The following TRPM8 variants were observed in gnomAD, a reference collection of about 807,000 sequenced individuals.
TRPM8 encodes the protein TRPM8 cationic channel.
A neutral mutation model predicts 133.7 loss-of-function variants in TRPM8; 110 were observed. The observed-to-expected ratio is 0.82, with a 90% CI of 0.70 to 0.96. The LOEUF (loss-of-function observed/expected upper bound fraction) is 0.96. Among genes scored for constraint, TRPM8 ranks in the 40% least tolerant of loss-of-function variants. TRPM8 has a pLI of 0.00. For missense variants in TRPM8, 1,291 were observed against 1,379.5 expected (o/e 0.94, Z 1.02); for synonymous variants, 535 against 532.3 (o/e 1.01, Z -0.07).
intron 17 of TRPM8, among the ~76,000 whole-genome samples, chr2:233,974,033 C>T (rs1691801672): frequency 6.6e-6 from 1 of 152,166 alleles, no homozygotes; most frequent in Non-Finnish European, 1.5e-5. Flanking sequence ...GACAGCATTC[C>T]CAGCTTAGCT....
chr2:233,953,510 G>A (rs1310892078), intron 9 of TRPM8, among the ~76,000 whole-genome samples: 2 of 152,166 alleles, frequency 1.3e-5, no homozygotes, highest in African/African-American at 4.8e-5. Context: ...TTTCTTGTTT[G>A]CATTTGAGCT....
At chr2:233,953,739 A>G in intron 9 of TRPM8, 178 bp from the exon 10 acceptor site, 1 of 532,446 alleles carries the variant, frequency 1.9e-6, no homozygotes, top group South Asian at 2.3e-5. Context: ...TGATACGTGT[A>G]TAACCAATAC....
At chr2:233,975,881 C>CAAGCA (rs1553663809) in intron 17 of TRPM8, among the ~76,000 whole-genome samples, 1 of 150,578 alleles carries the variant, frequency 6.6e-6, no homozygotes, top group Non-Finnish European at 1.5e-5. Context: ...GACTCCACCT[C>CAAGCA]AAACAAAACA....
At chr2:233,939,488 G>C (rs1574703752) in intron 5 of TRPM8, among the ~76,000 whole-genome samples, 1 of 152,258 alleles carries the variant, frequency 6.6e-6, no homozygotes, top group South Asian at 2.1e-4. Context: ...CGGTTCAGGG[G>C]AATTGGAAAG....
At chr2:234,013,593 T>C (rs1317922141) in intron 24 of TRPM8, 4 of 152,134 alleles carry the variant, frequency 2.6e-5, no homozygotes, top group Admixed American at 6.5e-5. Flanking sequence ...TGATTTTTTT[T>C]CCCATTGTTT....
intron 15 of TRPM8, among the ~76,000 whole-genome samples, chr2:233,967,847 T>C (rs1691614300): frequency 6.6e-6 from 1 of 151,980 alleles, no homozygotes; most frequent in South Asian, 2.1e-4. Flanking sequence ...ACACTCTACT[T>C]ATGTCTTCCT....
intron 15 of TRPM8, among the ~76,000 whole-genome samples, chr2:233,969,323 CA>C (rs112907432): frequency 0.1 from 13,524 of 134,766 alleles, 1,506 homozygotes; most frequent in East Asian, 0.4. Context: ...ACCAAAAATA[CA>C]AAAAAAAAAA....
At chr2:233,998,547 A>G (rs553803711) in intron 22 of TRPM8, among the ~76,000 whole-genome samples, 43 of 151,134 alleles carry the variant, frequency 2.8e-4, no homozygotes, top group Non-Finnish European at 5.2e-4. Flanking sequence ...AGCAGATTGT[A>G]CCCAGCTAGT....
Position 233,969,214 on chromosome 2 carries a change from C to T in TRPM8, c.2026-481C>T, listed in dbSNP as rs532673492. The stretch of plus-strand genomic sequence containing the variant: ...CCAAGTTTGGCCAGGCATGGTGGCT[C>T]ACACCTGTAATCCCAGCACTTTGGG... On this transcript the variant is annotated intron_variant, in intron 15 of 25. Coordinates refer to ENST00000324695, the MANE Select transcript of TRPM8 (RefSeq NM_024080.5). Among the ~76,000 whole-genome samples the T allele has an allele frequency of 4.6e-5, 7 of 152,164 alleles. No individual in the cohort carries two copies. The South Asian group carries it at 1.0e-3, about 23-fold the overall frequency.
At chr2:233,975,595 C>T (rs1691849973) in intron 17 of TRPM8, among the ~76,000 whole-genome samples, 1 of 152,124 alleles carries the variant, frequency 6.6e-6, no homozygotes, top group African/African-American at 2.4e-5. Flanking sequence ...CTAAAGAAAC[C>T]AGAGGCTGGG....
intron 17 of TRPM8, among the ~76,000 whole-genome samples, chr2:233,977,281 C>T (rs1574751492): frequency 6.6e-6 from 1 of 152,208 alleles, no homozygotes; most frequent in Non-Finnish European, 1.5e-5. Flanking sequence ...CACGTTGAAT[C>T]TCCAAATCCT....
intron 25 of TRPM8, 93 bp from the exon 26 acceptor site, chr2:234,017,206 A>G (rs1692976925): frequency 2.3e-6 from 1 of 430,918 alleles, no homozygotes; most frequent in Non-Finnish European, 4.7e-6. Flanking sequence ...TTCCCAGTAT[A>G]TTCCCAGTAT....
At chr2:233,962,789 C>T (rs1691471903) in intron 12 of TRPM8, among the ~76,000 whole-genome samples, 1 of 152,138 alleles carries the variant, frequency 6.6e-6, no homozygotes, top group African/African-American at 2.4e-5. Context: ...TGAAAAGTTT[C>T]CCTTGAAAGG....
At chr2:233,924,399 C>G (rs959158443) in intron 1 of TRPM8, among the ~76,000 whole-genome samples, 1 of 152,212 alleles carries the variant, frequency 6.6e-6, no homozygotes, top group Admixed American at 6.5e-5. Context: ...CTCCAGGGAC[C>G]CAGCTGCTCT....
At chr2:234,012,103 T>G (rs978240293) in intron 24 of TRPM8, among the ~76,000 whole-genome samples, 1 of 151,956 alleles carries the variant, frequency 6.6e-6, no homozygotes, top group African/African-American at 2.4e-5. Flanking sequence ...AATTTTTATG[T>G]GTTGACTTTG....
At position 233,970,282 on chromosome 2, in the gene TRPM8, C is replaced by T; in HGVS notation, c.2211C>T (p.Val737=). Residue 737 remains valine (V), a synonymous_variant, in exon 17 of 26, where the codon GTC becomes GTT. Transcript: ENST00000324695. ...YVAFFTSPFV[V]FSWNVVFYIA... ...CGTTCTTCACCTCCCCCTTCGTGGTCTTCTCCTGGAATGTGGTCTTCTACA... is the reference window on the plus strand; with the variant it reads ...CGTTCTTCACCTCCCCCTTCGTGGTTTTCTCCTGGAATGTGGTCTTCTACA... 1.2e-6 allele frequency: 2 copies of T among 1,614,224 alleles called. No homozygotes were observed. The highest frequency in any genetic ancestry group is 1.7e-6 in the Non-Finnish European group (2 of 1,180,046).
chr2:233,982,869 G>A (rs1692044411), intron 19 of TRPM8, among the ~76,000 whole-genome samples, 184 bp from the exon 20 acceptor site: 1 of 152,170 alleles, frequency 6.6e-6, no homozygotes, highest in Non-Finnish European at 1.5e-5. Flanking sequence ...GAAGATAGAT[G>A]TCTTAAGATC....
intron 5 of TRPM8, among the ~76,000 whole-genome samples, chr2:233,940,474 T>C (rs1690878878): frequency 6.6e-6 from 1 of 152,202 alleles, no homozygotes; most frequent in Non-Finnish European, 1.5e-5. Flanking sequence ...ATACACTTAT[T>C]GGATGCCTAT....
chr2:233,932,971 C>T (rs1370843075), intron 3 of TRPM8, among the ~76,000 whole-genome samples: 1 of 150,730 alleles, frequency 6.6e-6, no homozygotes, highest in Non-Finnish European at 1.5e-5. Context: ...CACCCTAGTG[C>T]TAAGCCCAAC....
Sources: allele counts gnomAD v4.1 joint callset (sites outside exome capture counted in the v4.1 genomes callset), GRCh38; gene constraint gnomAD v4.1.1; transcripts MANE v1.5; gene names NCBI Gene and HGNC (gene_info 2026-07-23, HGNC 2026-07-21).